Variants in TRIM2 observed in about 807,000 individuals in gnomAD.
TRIM2 encodes tripartite motif containing 2, also known as tripartite motif-containing protein 2.
In TRIM2, 20 loss-of-function variants were observed where a neutral mutation model predicts 75.2. That is an observed-to-expected ratio of 0.27 (90% CI 0.19 to 0.39). The LOEUF (loss-of-function observed/expected upper bound fraction) is 0.39. Among genes scored for constraint, TRIM2 ranks in the 10% least tolerant of loss-of-function variants. The pLI is 1.00. For synonymous variants in TRIM2, 373 were observed against 388.3 expected, an observed-to-expected ratio of 0.96 and a Z score of 0.46; for missense variants, 660 against 990.8, an observed-to-expected ratio of 0.67 and a Z score of 4.48.
intron 1 of TRIM2, among the ~76,000 whole-genome samples, chr4:153,191,002 C>G (rs1382505115): frequency 1.3e-5 from 2 of 152,202 alleles, no homozygotes; most frequent in Admixed American, 6.5e-5. Context: ...TCCCAAAGTG[C>G]TGGGATTACA....
chr4:153,216,092 AAG>A (rs1423477900), intron 1 of TRIM2, among the ~76,000 whole-genome samples: 1 of 152,170 alleles, frequency 6.6e-6, no homozygotes, highest in African/African-American at 2.4e-5. Context: ...CAAGACTCCA[AAG>A]AGAGTTGTTC....
rs1767488170 is a variant in TRIM2 at position 153,315,901 on chromosome 4, C to T, written c.1684C>T (p.Arg562Trp). Residue 562 changes from arginine to tryptophan, a missense_variant, in exon 8 of 12, where the codon CGG becomes TGG. Transcript: ENST00000338700. ...GGGACGCTCTCCGGGGCAGCTGCAGCGGCCCACAGGAGTGGCTGTACATCC... is the reference window on the plus strand; with the variant it reads ...GGGACGCTCTCCGGGGCAGCTGCAGTGGCCCACAGGAGTGGCTGTACATCC... ...IRGRSPGQLQ[R>W]PTGVAVHPSG... 3.1e-6 allele frequency: 5 copies of T among 1,613,892 alleles called. No homozygotes were observed. The highest frequency in any genetic ancestry group is 1.3e-5 in the African/African-American group (1 of 74,894).
At chr4:153,298,638 CA>C (rs1185205370) in intron 6 of TRIM2, among the ~76,000 whole-genome samples, 1 of 152,124 alleles carries the variant, frequency 6.6e-6, no homozygotes, top group African/African-American at 2.4e-5. Flanking sequence ...ATGGCTAAAT[CA>C]GGCTAACATA....
chr4:153,281,637 G>T (rs953080898), intron 3 of TRIM2, among the ~76,000 whole-genome samples: 3 of 152,200 alleles, frequency 2.0e-5, no homozygotes, highest in African/African-American at 7.2e-5. Flanking sequence ...ATAAAGCAGG[G>T]TGCTGCCATC....
In TRIM2 at chr4:153,295,391, C is replaced by A; in HGVS notation, c.865C>A (p.Leu289Ile). ...KSCSNFTAQA[L>I]NHGTETEVLL... ...CTGCAGCAACTTCACAGCGCAGGCCCTCAACCATGGCACGGAGACCGAGGT... is the reference window on the plus strand; with the variant it reads ...CTGCAGCAACTTCACAGCGCAGGCCATCAACCATGGCACGGAGACCGAGGT... Residue 289 changes from leucine (L) to isoleucine (I), a missense_variant, in exon 6 of 12, where the codon CTC becomes ATC. Transcript: ENST00000338700. This position sits in a 1 kb window ranked among gnomAD's most constrained non-coding sequence, Gnocchi z 7.2. The A allele has an allele frequency of 6.2e-7, 1 of 1,614,062 alleles. No individual in the cohort carries two copies. The highest frequency in any genetic ancestry group is 8.5e-7 in the Non-Finnish European group (1 of 1,179,960).
intron 6 of TRIM2, among the ~76,000 whole-genome samples, chr4:153,315,105 G>A (rs574280898): frequency 6.6e-6 from 1 of 152,336 alleles, no homozygotes; most frequent in Non-Finnish European, 1.5e-5. Flanking sequence ...CCATGCCCAA[G>A]GCAGCACAGA....
At chr4:153,278,701 A>G (rs1758558342) in intron 3 of TRIM2, among the ~76,000 whole-genome samples, 1 of 151,504 alleles carries the variant, frequency 6.6e-6, no homozygotes, top group Admixed American at 6.6e-5. Flanking sequence ...TCAGAGGCTG[A>G]GGTAGGAGGA....
intron 1 of TRIM2, among the ~76,000 whole-genome samples, chr4:153,168,751 A>G (rs1357310084): frequency 3.3e-5 from 5 of 152,184 alleles, no homozygotes; most frequent in African/African-American, 1.2e-4. Context: ...TTCTTAAATT[A>G]GGAAGTATAT....
chr4:153,252,986 G>A (rs1313237168), intron 1 of TRIM2, among the ~76,000 whole-genome samples: 2 of 152,158 alleles, frequency 1.3e-5, no homozygotes, highest in Admixed American at 6.5e-5. Flanking sequence ...TATGTGACAG[G>A]CACTGCACTA....
At chr4:153,232,443 G>T (rs995098505) in intron 1 of TRIM2, among the ~76,000 whole-genome samples, 1 of 152,204 alleles carries the variant, frequency 6.6e-6, no homozygotes, top group Non-Finnish European at 1.5e-5. Flanking sequence ...AGGTTGCAGT[G>T]AGCCAAGATC....
intron 1 of TRIM2, among the ~76,000 whole-genome samples, chr4:153,216,259 T>C (rs1738441039): frequency 1.3e-5 from 2 of 152,352 alleles, no homozygotes; most frequent in East Asian, 1.9e-4. Context: ...AGAAGATCAA[T>C]GTATCATCAT....
At chr4:153,175,485 CG>C (rs1228773850) in intron 1 of TRIM2, among the ~76,000 whole-genome samples, 1 of 151,482 alleles carries the variant, frequency 6.6e-6, no homozygotes, top group East Asian at 1.9e-4. Context: ...TGGGAAACAG[CG>C]GGGGGAGGGG....
chr4:153,313,415 TATG>T (rs1311323711), intron 6 of TRIM2, among the ~76,000 whole-genome samples: 1 of 152,128 alleles, frequency 6.6e-6, no homozygotes, highest in African/African-American at 2.4e-5. Context: ...CCAGCTCATC[TATG>T]ATGATTCTGC....
At chr4:153,264,270 A>G (rs1239861815) in intron 1 of TRIM2, among the ~76,000 whole-genome samples, 1 of 152,148 alleles carries the variant, frequency 6.6e-6, no homozygotes, top group Non-Finnish European at 1.5e-5. Context: ...GACCATTTGT[A>G]TTATTTTAAA....
At chr4:153,313,320 C>A (rs568467886) in intron 6 of TRIM2, among the ~76,000 whole-genome samples, 2 of 152,096 alleles carry the variant, frequency 1.3e-5, no homozygotes, top group African/African-American at 4.8e-5. Context: ...CACGCTAGTG[C>A]GAGTAGATGA....
At chr4:153,222,640 G>A (rs1171894470) in intron 1 of TRIM2, 2 of 152,166 alleles carry the variant, frequency 1.3e-5, no homozygotes, top group African/African-American at 2.4e-5. Context: ...GAAAACAGAT[G>A]TCTTACTGCT....
At chr4:153,224,518 G>A (rs6851108) in intron 1 of TRIM2, among the ~76,000 whole-genome samples, 43,888 of 151,982 alleles carry the variant, frequency 0.29, 10,379 homozygotes, top group African/African-American at 0.65. Context: ...ATCCTTTTCT[G>A]TATAATCCCA....
rs1762379496 is a variant in TRIM2 at position 153,294,315 on chromosome 4, A to G, written c.616A>G (p.Ile206Val). The change falls in exon 5 of 12, where the codon ATA becomes GTA. Residue 206 changes from isoleucine to valine, a missense_variant. Around this residue, in one of 2 missense-constraint regions of TRIM2, gnomAD observed 620 missense variants for 891.0 expected, o/e 0.70. Transcript: ENST00000338700. ...LDAVNKRLPE[I>V]DSALQFISEI... is the part of the protein sequence containing the mutation. Reference sequence around the variant, plus strand: ...ACAACTGTCCACCAGGCTCCCAGAAATAGATTCTGCTCTTCAGTTCATCTC... The same window carrying G: ...ACAACTGTCCACCAGGCTCCCAGAAGTAGATTCTGCTCTTCAGTTCATCTC... 2 of 1,614,100 alleles carry G rather than the reference A, an allele frequency of 1.2e-6. No homozygotes were observed. The highest frequency in any genetic ancestry group is 1.3e-5 in the African/African-American group (1 of 75,064).
intron 1 of TRIM2, among the ~76,000 whole-genome samples, chr4:153,237,577 G>A (rs569497427): frequency 5.5e-4 from 83 of 152,254 alleles, no homozygotes; most frequent in African/African-American, 2.0e-3. Context: ...CTACTCAGGA[G>A]GCTGAGGCAG....
Sources: gnomAD v4.1 joint callset for allele counts (sites outside exome capture counted in the v4.1 genomes callset) on GRCh38, gnomAD v4.1.1 for gene constraint, gnomAD v4.1.1 regional missense constraint, Gnocchi (gnomAD v3.1) non-coding constraint, MANE v1.5 for transcripts, NCBI Gene and HGNC (gene_info 2026-07-23, HGNC 2026-07-21) for gene names.